Variants in ZC3H18 observed in about 807,000 individuals in gnomAD.
The protein encoded by ZC3H18 is zinc finger CCCH domain-containing protein 18.
In ZC3H18, 8 loss-of-function variants were observed where a neutral mutation model predicts 106.1. The observed-to-expected ratio is 0.08, with a 90% CI of 0.04 to 0.14. ZC3H18 has a LOEUF of 0.14. ZC3H18 is among the 10% of genes least tolerant of loss of function. ZC3H18 has a pLI of 1.00. For synonymous variants in ZC3H18, 635 were observed against 522.1 expected (o/e 1.22, Z -2.95); for missense variants, 1,318 against 1,278.4 (o/e 1.03, Z -0.47).
chr16:88,601,941 C>T (rs866177253), intron 6 of ZC3H18, among the ~76,000 whole-genome samples: 1 of 152,120 alleles, frequency 6.6e-6, no homozygotes, highest in South Asian at 2.1e-4. Flanking sequence ...TGGAGACCCC[C>T]CTATGATTGT....
chr16:88,605,929 G>A (rs909168771), intron 6 of ZC3H18, among the ~76,000 whole-genome samples: 11 of 152,226 alleles, frequency 7.2e-5, no homozygotes, highest in African/African-American at 1.2e-4. Flanking sequence ...TCCACTCCAC[G>A]TGCCAGTGCT....
At chr16:88,605,518 GGACACGT>G (rs1904970057) in intron 6 of ZC3H18, among the ~76,000 whole-genome samples, 1 of 152,236 alleles carries the variant, frequency 6.6e-6, no homozygotes. Flanking sequence ...CAGCAAGCAG[GGACACGT>G]GAGCATCTGA....
At chr16:88,579,771 G>A (rs970504762) in intron 2 of ZC3H18, among the ~76,000 whole-genome samples, 3 of 152,142 alleles carry the variant, frequency 2.0e-5, no homozygotes, top group African/African-American at 4.8e-5. Context: ...CTTGGCAAAC[G>A]GGGAGGCAGG....
chr16:88,590,597 C>T (rs146926336), intron 3 of ZC3H18, among the ~76,000 whole-genome samples: 43 of 102,072 alleles, frequency 4.2e-4, no homozygotes, highest in African/African-American at 1.5e-3. Flanking sequence ...GTGTCTCGCT[C>T]TGTCACCCGG....
chr16:88,574,955 G>A (rs1057374309), intron 1 of ZC3H18, among the ~76,000 whole-genome samples: 2 of 150,488 alleles, frequency 1.3e-5, no homozygotes, highest in Admixed American at 6.6e-5. Context: ...TCAGCCTCCC[G>A]AGTAGCTGGG....
chr16:88,578,843 A>G (rs1235210964), intron 2 of ZC3H18, among the ~76,000 whole-genome samples: 1 of 152,150 alleles, frequency 6.6e-6, no homozygotes, highest in Non-Finnish European at 1.5e-5. Context: ...GGCGCCCGCC[A>G]CCACTGGCTA....
chr16:88,577,493 G>A lies in ZC3H18; in HGVS notation c.370G>A (p.Asp124Asn). 6.2e-7 allele frequency: 1 copy of A among 1,613,026 alleles called. No individual in the cohort carries two copies. The highest frequency in any genetic ancestry group is 8.5e-7 in the Non-Finnish European group (1 of 1,179,808). ...GGCCTCCTCAGTCACCAGGGAGCTG[G>A]ATGAGCATGAGCTAGACTACGATGA... Reference protein sequence around the residue: ...DEASSVTRELDEHELDYDEEV... With the variant: ...DEASSVTRELNEHELDYDEEV... Residue 124 changes from aspartate (D) to asparagine (N), a missense_variant, in exon 2 of 18, where the codon GAT (aspartate) becomes AAT (asparagine). Around this residue, in one of 6 missense-constraint regions of ZC3H18, gnomAD observed 346 missense variants for 269.0 expected, o/e 1.29. Transcript: ENST00000301011.
At position 88,622,374 on chromosome 16, in the gene ZC3H18, C is replaced by A. The variant is rs1167309882; in HGVS notation, c.1653C>A (p.Ala551=). ...AAACATCAGCCTCGTCAGCCTCTGC[C>A]TCTAATTCCTCCAGGTAAGGAGGGC... ...RRKTSASSAS[A]SNSSRSSSRS... is the part of the protein sequence containing the mutation. Residue 551 remains alanine, a synonymous_variant, in exon 9 of 18, where the codon GCC becomes GCA. Transcript: ENST00000301011. The A allele has an allele frequency of 6.2e-7, 1 of 1,609,456 alleles. No homozygotes were observed. Among genetic ancestry groups the A allele is most frequent in the African/African-American group, 1.3e-5 (1 of 74,854 alleles).
chr16:88,591,605 TAGTGTGG>T (rs1430618158), intron 3 of ZC3H18, among the ~76,000 whole-genome samples: 2 of 152,136 alleles, frequency 1.3e-5, no homozygotes, highest in Non-Finnish European at 2.9e-5. Context: ...CAATATTTGT[TAGTGTGG>T]AGCAGCTGCA....
chr16:88,600,819 C>G (rs183162560), intron 6 of ZC3H18, among the ~76,000 whole-genome samples: 1 of 152,316 alleles, frequency 6.6e-6, no homozygotes, highest in East Asian at 1.9e-4. Context: ...GTGCTGTTTT[C>G]CTCTGCCTGT....
chr16:88,573,411 C>G (rs148013276), intron 1 of ZC3H18, among the ~76,000 whole-genome samples: 1 of 152,054 alleles, frequency 6.6e-6, no homozygotes, highest in East Asian at 1.9e-4. Flanking sequence ...ACGCAGACTC[C>G]CAGTCTTGAA....
chr16:88,620,716 A>C (rs1032908292), intron 8 of ZC3H18, among the ~76,000 whole-genome samples: 1 of 152,152 alleles, frequency 6.6e-6, no homozygotes, highest in African/African-American at 2.4e-5. Context: ...TGCTGGCTGA[A>C]TGAGGAAAAA....
Position 88,631,448 on chromosome 16 carries a change from A to G in ZC3H18, c.*149A>G. 2.7e-6 allele frequency: 3 copies of G among 1,109,500 alleles called. No individual in the cohort carries two copies. The highest frequency in any genetic ancestry group is 3.9e-6 in the Non-Finnish European group (3 of 778,326). The allele number at this position is 1,109,500 out of a possible 1,614,324, so 68.7% of individuals were successfully genotyped here. ...TTCTCAGCTGGAAAAGAAGCCACAC[A>G]GGAAATGACAACGACGCTGAATCCC... is the stretch of plus-strand genomic sequence containing the variant. On this transcript the variant is annotated 3_prime_UTR_variant, in exon 18 of 18. Coordinates refer to ENST00000301011, the MANE Select transcript of ZC3H18 (RefSeq NM_144604.4).
intron 3 of ZC3H18, among the ~76,000 whole-genome samples, chr16:88,589,870 G>A (rs550100343): frequency 3.9e-5 from 6 of 152,250 alleles, no homozygotes; most frequent in Non-Finnish European, 8.8e-5. Context: ...TCTAGAACTA[G>A]CTAGTGGTGA....
At chr16:88,574,294 CT>C (rs1185788513) in intron 1 of ZC3H18, among the ~76,000 whole-genome samples, 12 of 151,924 alleles carry the variant, frequency 7.9e-5, no homozygotes, top group African/African-American at 2.9e-4. Flanking sequence ...ACTGCAACCA[CT>C]GTCTCCCAGG....
intron 8 of ZC3H18, among the ~76,000 whole-genome samples, chr16:88,618,975 G>A (rs763007986): frequency 6.6e-5 from 10 of 152,174 alleles, no homozygotes; most frequent in Non-Finnish European, 1.3e-4. Context: ...CATGTTGTGT[G>A]TTTTGGTTTT....
Position 88,599,826 on chromosome 16 carries a change from G to A in ZC3H18, c.966G>A (p.Glu322=). Residue 322 remains glutamate, a synonymous_variant, in exon 6 of 18, where the codon GAG becomes GAA. Transcript: ENST00000301011. ...AAGCAACTATTCGAAAAGAACAGGA[G>A]CCTGATTTTGAAGAGAAAAGGTTTA... ...LKKATIRKEQ[E]PDFEEKRFTV... 1 of 1,614,048 alleles carries A rather than the reference G, an allele frequency of 6.2e-7. No homozygotes were observed. Among genetic ancestry groups the A allele is most frequent in the Non-Finnish European group, 8.5e-7 (1 of 1,180,002 alleles).
chr16:88,598,053 T>C (rs1904535654), intron 3 of ZC3H18, 125 bp from the exon 4 acceptor site: 2 of 654,730 alleles, frequency 3.1e-6, no homozygotes, highest in Non-Finnish European at 4.8e-6. Context: ...TTCCCACTAC[T>C]GTGTGGCTCG....
At chr16:88,579,103 A>G (rs193122098) in intron 2 of ZC3H18, among the ~76,000 whole-genome samples, 8 of 152,296 alleles carry the variant, frequency 5.3e-5, no homozygotes, top group African/African-American at 1.9e-4. Flanking sequence ...TAGGGTTTGA[A>G]GTATTGCTCA....
Sources: allele counts gnomAD v4.1 joint callset (sites outside exome capture counted in the v4.1 genomes callset), GRCh38; gene constraint gnomAD v4.1.1; regional missense constraint gnomAD v4.1.1; transcripts MANE v1.5; gene names NCBI Gene and HGNC (gene_info 2026-07-23, HGNC 2026-07-21).